ACYP2: variants seen among roughly 807,000 people sequenced by gnomAD.
ACYP2 encodes acylphosphatase-2.
ACYP2 carries 12 observed loss-of-function variants against 11.2 expected under a neutral mutation model. The observed-to-expected ratio is 1.08, with a 90% CI of 0.69 to 1.74. The LOEUF (loss-of-function observed/expected upper bound fraction) is 1.74, where lower values mean the gene tolerates loss of function less well. Ranked by LOEUF, ACYP2 falls within the 40% of genes most tolerant of loss-of-function variation. The probability of loss-of-function intolerance (pLI) is 0.00; values close to 1 mark genes in which losing one functional copy is unlikely to be tolerated. For synonymous variants in ACYP2, 43 were observed against 32.2 expected (o/e 1.33, Z -1.13); for missense variants, 134 against 101.9 (o/e 1.31, Z -1.35).
intron 4 of ACYP2, chr2:54,115,387 C>T: frequency 3.5e-6 from 2 of 569,376 alleles, no homozygotes; most frequent in East Asian, 3.4e-5. Flanking sequence ...ACTTTGAGAA[C>T]AGAGTACCTT....
At chr2:54,291,222 T>A (rs938764061) in intron 6 of ACYP2, among the ~76,000 whole-genome samples, 2 of 152,168 alleles carry the variant, frequency 1.3e-5, no homozygotes, top group African/African-American at 4.8e-5. Flanking sequence ...ACAGCACACG[T>A]TGGTGGCTAT....
At chr2:54,130,141 ATG>A (rs1309286936) in intron 4 of ACYP2, among the ~76,000 whole-genome samples, 3 of 152,180 alleles carry the variant, frequency 2.0e-5, no homozygotes, top group African/African-American at 7.2e-5. Flanking sequence ...AAAGTAAACA[ATG>A]TATGTGCAAG....
chr2:54,126,329 A>T (rs768132224), intron 4 of ACYP2, among the ~76,000 whole-genome samples: 1 of 152,144 alleles, frequency 6.6e-6, no homozygotes, highest in Non-Finnish European at 1.5e-5. Context: ...ATAGTTGGTA[A>T]TTCTGTGCAA....
intron 6 of ACYP2, among the ~76,000 whole-genome samples, chr2:54,199,626 C>T (rs1223425488): frequency 6.6e-6 from 1 of 152,140 alleles, no homozygotes; most frequent in Non-Finnish European, 1.5e-5. Flanking sequence ...TGGATAGGGA[C>T]AGAAGAGAAA....
intron 2 of ACYP2, among the ~76,000 whole-genome samples, chr2:54,005,985 T>C (rs889014669): frequency 1.3e-5 from 2 of 151,752 alleles, no homozygotes; most frequent in Non-Finnish European, 2.9e-5. Flanking sequence ...TTAAAAAACA[T>C]ATAGGCCGGG....
intron 2 of ACYP2, among the ~76,000 whole-genome samples, chr2:54,002,456 C>T (rs935015041): frequency 3.3e-5 from 5 of 151,632 alleles, no homozygotes; most frequent in African/African-American, 1.2e-4. Flanking sequence ...AATAATTCTC[C>T]TGCCTCAGCC....
At chr2:54,190,320 C>G (rs763049271) in intron 6 of ACYP2, among the ~76,000 whole-genome samples, 1 of 152,060 alleles carries the variant, frequency 6.6e-6, no homozygotes, top group Non-Finnish European at 1.5e-5. Context: ...CTTTCCAGAC[C>G]TCTGTCTTCT....
At chr2:54,135,033 T>C (rs537057847) in intron 4 of ACYP2, among the ~76,000 whole-genome samples, 1 of 152,336 alleles carries the variant, frequency 6.6e-6, no homozygotes, top group East Asian at 1.9e-4. Context: ...AGGAAGCACT[T>C]TATGGTTTCT....
At chr2:54,279,785 C>T (rs541813467) in intron 6 of ACYP2, among the ~76,000 whole-genome samples, 1 of 152,156 alleles carries the variant, frequency 6.6e-6, no homozygotes, top group Non-Finnish European at 1.5e-5. Flanking sequence ...CTTCATCATT[C>T]CAAGTATTAT....
intron 6 of ACYP2, among the ~76,000 whole-genome samples, chr2:54,264,505 GA>G (rs1270085081): frequency 3.3e-5 from 5 of 152,218 alleles, no homozygotes; most frequent in Non-Finnish European, 7.3e-5. Flanking sequence ...TTAGAATGAA[GA>G]AGGCAGAAGC....
chr2:54,184,810 T>A (rs780612048), intron 6 of ACYP2, among the ~76,000 whole-genome samples: 1 of 151,796 alleles, frequency 6.6e-6, no homozygotes, highest in Non-Finnish European at 1.5e-5. Context: ...TATAACAATA[T>A]CAATTCATTT....
At chr2:54,183,114 A>G (rs1204871099) in intron 6 of ACYP2, among the ~76,000 whole-genome samples, 3 of 152,216 alleles carry the variant, frequency 2.0e-5, no homozygotes, top group Admixed American at 2.0e-4. Context: ...TGTATGTTCT[A>G]TATCTCCGCC....
chr2:54,084,801 C>CA (rs1381593894), intron 4 of ACYP2: 2 of 152,230 alleles, frequency 1.3e-5, no homozygotes, highest in Non-Finnish European at 2.9e-5. Context: ...ACTTGCCTTG[C>CA]ACTGCCCTCT....
intron 6 of ACYP2, among the ~76,000 whole-genome samples, chr2:54,163,966 G>C (rs76405537): frequency 2.8e-3 from 424 of 152,328 alleles, no homozygotes; most frequent in African/African-American, 9.4e-3. Context: ...CCTTGACCTT[G>C]AGGAGATAAC....
At chr2:54,149,373 G>A (rs1326452527) in intron 6 of ACYP2, among the ~76,000 whole-genome samples, 1 of 152,098 alleles carries the variant, frequency 6.6e-6, no homozygotes, top group Non-Finnish European at 1.5e-5. Context: ...CTTCTTCTGT[G>A]TTTTATTTTC....
intron 6 of ACYP2, among the ~76,000 whole-genome samples, chr2:54,230,417 C>T (rs1033362782): frequency 6.6e-6 from 1 of 152,110 alleles, no homozygotes; most frequent in African/African-American, 2.4e-5. Context: ...AGTCCAATGG[C>T]GTGATCTCGA....
At chr2:54,001,759 G>A (rs762350580) in intron 2 of ACYP2, among the ~76,000 whole-genome samples, 1 of 152,218 alleles carries the variant, frequency 6.6e-6, no homozygotes, top group Admixed American at 6.5e-5. Flanking sequence ...TAAGGCCCAA[G>A]TATCTGACTT....
At chr2:54,087,111 T>A (rs1677985493) in intron 4 of ACYP2, among the ~76,000 whole-genome samples, 1 of 152,200 alleles carries the variant, frequency 6.6e-6, no homozygotes, top group Admixed American at 6.5e-5. Flanking sequence ...AAGGTATGGG[T>A]AAGAATAGGC....
At chr2:54,234,634 A>G (rs1346202736) in intron 6 of ACYP2, among the ~76,000 whole-genome samples, 1 of 152,136 alleles carries the variant, frequency 6.6e-6, no homozygotes, top group Non-Finnish European at 1.5e-5. Flanking sequence ...GTTGGCTGTT[A>G]TTTTTTCGGT....
Sources: allele counts gnomAD v4.1 joint callset (sites outside exome capture counted in the v4.1 genomes callset), GRCh38; gene constraint gnomAD v4.1.1; transcripts MANE v1.5; gene names NCBI Gene and HGNC (gene_info 2026-07-23, HGNC 2026-07-21).